SLC16A12: variants seen among roughly 807,000 people sequenced by gnomAD.
SLC16A12 encodes the protein solute carrier family 16 member 12, also known as monocarboxylate transporter 12.
In SLC16A12, 17 loss-of-function variants were observed where a neutral mutation model predicts 42.4. That is an observed-to-expected ratio of 0.40 (90% CI 0.27 to 0.60). The LOEUF is 0.60. Ranked by LOEUF, SLC16A12 falls within the 20% of genes least tolerant of loss-of-function variation. The pLI is 0.42. For missense variants in SLC16A12, 544 were observed against 623.0 expected (o/e 0.87, Z 1.35); for synonymous variants, 224 against 229.4 (o/e 0.98, Z 0.21).
chr10:89,434,596 A>G (rs1029840180), intron 7 of SLC16A12, among the ~76,000 whole-genome samples: 1 of 152,168 alleles, frequency 6.6e-6, no homozygotes, highest in Non-Finnish European at 1.5e-5. Context: ...TTCCACCCCA[A>G]TTGCTGGATT....
chr10:89,512,963 T>C (rs554304082), intron 2 of SLC16A12, among the ~76,000 whole-genome samples: 1 of 152,278 alleles, frequency 6.6e-6, no homozygotes, highest in Non-Finnish European at 1.5e-5. Flanking sequence ...TGAGTTAAAT[T>C]GCAGGACACC....
At chr10:89,504,547 C>T (rs940780744) in intron 2 of SLC16A12, among the ~76,000 whole-genome samples, 2 of 152,082 alleles carry the variant, frequency 1.3e-5, no homozygotes. Context: ...TTGGTACATA[C>T]GGAACCATTA....
chr10:89,500,486 T>C (rs1047044042), intron 2 of SLC16A12, among the ~76,000 whole-genome samples: 2 of 152,078 alleles, frequency 1.3e-5, no homozygotes, highest in Non-Finnish European at 2.9e-5. Context: ...GTAGGGATGG[T>C]TTAACATATG....
At chr10:89,470,342 G>A (rs1458894815) in intron 2 of SLC16A12, among the ~76,000 whole-genome samples, 1 of 152,220 alleles carries the variant, frequency 6.6e-6, no homozygotes, top group Non-Finnish European at 1.5e-5. Flanking sequence ...ATGTGATATG[G>A]TGAAGAGATA....
At chr10:89,467,602 C>T (rs552414840) in intron 2 of SLC16A12, among the ~76,000 whole-genome samples, 3 of 152,064 alleles carry the variant, frequency 2.0e-5, no homozygotes, top group South Asian at 2.1e-4. Flanking sequence ...CAAAAAAAGA[C>T]GCTCATCTAC....
chr10:89,506,921 G>A (rs1477584637), intron 2 of SLC16A12, among the ~76,000 whole-genome samples: 2 of 151,978 alleles, frequency 1.3e-5, no homozygotes, highest in African/African-American at 4.8e-5. Context: ...TAAGAACTTA[G>A]TGAAGCATAC....
intron 1 of SLC16A12, 139 bp downstream of exon 1, chr10:89,535,303 A>G (rs1843635874): frequency 6.6e-6 from 1 of 152,130 alleles, no homozygotes; most frequent in Non-Finnish European, 1.5e-5. Context: ...CGACGCACCC[A>G]AGTTAGGGTC....
upstream of SLC16A12, among the ~76,000 whole-genome samples, chr10:89,535,875 G>A (rs1843651087): frequency 2.0e-5 from 3 of 152,232 alleles, no homozygotes; most frequent in South Asian, 6.2e-4. Context: ...GGCAACGCCG[G>A]GAGAGGGAAG....
intron 2 of SLC16A12, among the ~76,000 whole-genome samples, chr10:89,466,495 T>G (rs973358465): frequency 1.3e-5 from 2 of 152,202 alleles, no homozygotes; most frequent in African/African-American, 4.8e-5. Flanking sequence ...ATACTTATAG[T>G]CAAATGAGAG....
At chr10:89,474,528 T>C (rs1346092776) in intron 2 of SLC16A12, among the ~76,000 whole-genome samples, 2 of 152,224 alleles carry the variant, frequency 1.3e-5, no homozygotes, top group African/African-American at 4.8e-5. Flanking sequence ...GCACTTTATC[T>C]TCATCAGAGA....
chr10:89,521,773 G>A (rs1843362549), intron 2 of SLC16A12, among the ~76,000 whole-genome samples: 1 of 152,226 alleles, frequency 6.6e-6, no homozygotes, highest in Non-Finnish European at 1.5e-5. Flanking sequence ...TCTGGCTGAA[G>A]CATCCAAAGT....
At position 89,430,396 on chromosome 10, in the gene SLC16A12, C is replaced by G. The variant is rs769941598; in HGVS notation, c.*2668G>C. 4.6e-6 allele frequency: 1 copy of G among 215,118 alleles called. No individual in the cohort carries two copies. The highest frequency in any genetic ancestry group is 9.5e-6 in the Non-Finnish European group (1 of 105,036). 13.3% of individuals were successfully genotyped at this position (215,118 alleles called of 1,614,324 possible). A position where few individuals can be genotyped will look rare whatever the true frequency, so the allele number is the denominator to read the frequency against. ...TGAAATTACAATCTGAACAAAAAGC[C>G]CAATCATACAGTGTATCTACAAAGT... On this transcript the variant is annotated 3_prime_UTR_variant, in exon 8 of 8. Coordinates refer to ENST00000371790, the MANE Select transcript of SLC16A12 (RefSeq NM_213606.4).
rs552306714 is a variant in SLC16A12, at chr10:89,434,429, A to C, written c.1289-1103T>G. Among the ~76,000 whole-genome samples, 11 of 152,330 alleles carry C rather than the reference A, an allele frequency of 7.2e-5. No homozygotes were observed. The South Asian group carries it at 2.1e-3, about 29-fold the overall frequency. The stretch of plus-strand genomic sequence containing the variant: ...GTTTCTAAAGGTTGGTGAGCACTAA[A>C]ATAAGCTATGAAAGGAGGATGTGGG... On this transcript the variant is annotated intron_variant, in intron 7 of 7. Transcript: ENST00000371790.
chr10:89,499,894 C>A (rs907948695), intron 2 of SLC16A12, among the ~76,000 whole-genome samples: 1 of 151,976 alleles, frequency 6.6e-6, no homozygotes, highest in Non-Finnish European at 1.5e-5. Context: ...AATTGTTAGA[C>A]CATTACTAAG....
intron 2 of SLC16A12, among the ~76,000 whole-genome samples, chr10:89,465,415 C>T (rs1842377185): frequency 6.6e-6 from 1 of 152,130 alleles, no homozygotes; most frequent in Admixed American, 6.6e-5. Flanking sequence ...TAAATGGTAC[C>T]ATTGGTATTT....
chr10:89,541,398 C>A (rs1332191856), intron 2 of SLC16A12, among the ~76,000 whole-genome samples: 1 of 152,016 alleles, frequency 6.6e-6, no homozygotes, highest in African/African-American at 2.4e-5. Flanking sequence ...AGTTCTAGAC[C>A]AGCCTAGGCA....
intron 7 of SLC16A12, among the ~76,000 whole-genome samples, chr10:89,434,352 G>A (rs563949320): frequency 2.0e-5 from 3 of 152,174 alleles, no homozygotes; most frequent in Non-Finnish European, 2.9e-5. Flanking sequence ...TGAAGGCCAC[G>A]AACTGAATCC....
At chr10:89,508,111 C>T (rs1843097261) in intron 2 of SLC16A12, among the ~76,000 whole-genome samples, 1 of 152,110 alleles carries the variant, frequency 6.6e-6, no homozygotes, top group South Asian at 2.1e-4. Context: ...GACTTAGACT[C>T]CCACACAGCA....
intron 2 of SLC16A12, among the ~76,000 whole-genome samples, chr10:89,499,320 C>A (rs150821068): frequency 1.3e-5 from 2 of 152,112 alleles, no homozygotes; most frequent in Non-Finnish European, 2.9e-5. Flanking sequence ...TTTGGCAGGC[C>A]GAGATGGGTG....
Sources: gnomAD v4.1 joint callset for allele counts (sites outside exome capture counted in the v4.1 genomes callset) on GRCh38, gnomAD v4.1.1 for gene constraint, MANE v1.5 for transcripts, NCBI Gene and HGNC (gene_info 2026-07-23, HGNC 2026-07-21) for gene names.